The following KLHDC10 variants were observed in gnomAD, a reference collection of about 807,000 sequenced individuals.
KLHDC10 encodes kelch domain containing 10, also known as kelch domain-containing protein 10.
KLHDC10 carries 24 observed loss-of-function variants against 56.1 expected under a neutral mutation model. The ratio of observed to expected loss-of-function variants is 0.43; its 90% CI spans 0.31 to 0.60. KLHDC10 has a LOEUF of 0.60. Ranked by LOEUF, KLHDC10 falls within the 20% of genes least tolerant of loss-of-function variation. The pLI is 0.11. For missense variants in KLHDC10, 349 were observed against 567.0 expected (o/e 0.62, Z 3.91); for synonymous variants, 188 against 207.1 (o/e 0.91, Z 0.79).
At chr7:130,119,231 C>T (rs114060728) in intron 3 of KLHDC10, among the ~76,000 whole-genome samples, 2,143 of 150,810 alleles carry the variant, frequency 0.014, 44 homozygotes, top group African/African-American at 0.049. Flanking sequence ...TAAATAAAGG[C>T]TAGGTGTGGT....
intron 1 of KLHDC10, among the ~76,000 whole-genome samples, chr7:130,087,700 C>T (rs1441190092): frequency 6.6e-6 from 1 of 151,714 alleles, no homozygotes; most frequent in Non-Finnish European, 1.5e-5. Context: ...TTTGGTGTCA[C>T]ATAAAACAAA....
At chr7:130,086,745 T>C (rs986682170) in intron 1 of KLHDC10, among the ~76,000 whole-genome samples, 7 of 152,210 alleles carry the variant, frequency 4.6e-5, no homozygotes, top group African/African-American at 1.7e-4. Context: ...AGCCACCCAA[T>C]TGATGGATAT....
intron 5 of KLHDC10, among the ~76,000 whole-genome samples, chr7:130,122,905 A>T (rs1243774580): frequency 6.6e-6 from 1 of 152,214 alleles, no homozygotes; most frequent in Non-Finnish European, 1.5e-5. Context: ...TCACAGACAT[A>T]TCTTCAATAC....
At position 130,070,623 on chromosome 7, in the gene KLHDC10, T is replaced by A; in HGVS notation, c.-21T>A. The A allele has an allele frequency of 7.6e-7, 1 of 1,315,172 alleles. No individual in the cohort carries two copies. The highest frequency in any genetic ancestry group is 9.7e-7 in the Non-Finnish European group (1 of 1,027,240). 81.5% of individuals were successfully genotyped at this position (1,315,172 alleles called of 1,614,324 possible). A position where few individuals can be genotyped will look rare whatever the true frequency, so the allele number is the denominator to read the frequency against. On this transcript the variant is annotated 5_prime_UTR_variant, in exon 1 of 10. Coordinates refer to ENST00000335420, the MANE Select transcript of KLHDC10 (RefSeq NM_014997.4). ...GGGTCAGGCGCTGACGGGACCGGGC[T>A]GCGGCAATCGTTAGCGGGTCATGTC...
Position 130,130,400 on chromosome 7 carries a change from C to G in KLHDC10, c.1120-137C>G. 1 of 649,834 alleles carries G rather than the reference C, an allele frequency of 1.5e-6. No homozygotes were observed. The highest frequency in any genetic ancestry group is 2.8e-6 in the Non-Finnish European group (1 of 358,678). 40.3% of individuals were successfully genotyped at this position (649,834 alleles called of 1,614,324 possible). ...TTAATTATTTAAACCCTCTTGATCT[C>G]CACATGGTATTGGGATCAGTGAGGA... On this transcript the variant is annotated intron_variant, in intron 9 of 9. Coordinates refer to ENST00000335420, the MANE Select transcript of KLHDC10 (RefSeq NM_014997.4). The surrounding 1 kb of genome is among the most constrained non-coding windows in gnomAD (Gnocchi z 4.2).
At chr7:130,117,107 T>C (rs1367026547) in intron 3 of KLHDC10, among the ~76,000 whole-genome samples, 1 of 152,234 alleles carries the variant, frequency 6.6e-6, no homozygotes, top group Non-Finnish European at 1.5e-5. Flanking sequence ...GTTTACGCTA[T>C]GCACTAGTCT....
intron 2 of KLHDC10, among the ~76,000 whole-genome samples, chr7:130,102,783 G>A (rs574585949): frequency 3.9e-4 from 59 of 152,192 alleles, no homozygotes; most frequent in African/African-American, 1.3e-3. Context: ...ATGAGATCGC[G>A]CCATTGCACT....
Position 130,129,465 on chromosome 7 carries a change from A to G in KLHDC10, c.1008A>G (p.Gly336=), listed in dbSNP as rs1796366650. 1 of 1,614,154 alleles carries G rather than the reference A, an allele frequency of 6.2e-7. No homozygotes were observed. The highest frequency in any genetic ancestry group is 8.5e-7 in the Non-Finnish European group (1 of 1,180,024). ...NDVFICGGYN[G]EVILGDIWKL... ...TATTTATTTGTGGGGGCTATAATGG[A>G]GAGGTGATCCTGGGAGATATCTGGA... The change falls in exon 9 of 10, where the codon GGA becomes GGG. Residue 336 remains glycine (G), a synonymous_variant. Transcript: ENST00000335420.
Position 130,131,610 on chromosome 7 carries a change from G to A in KLHDC10, c.*864G>A, listed in dbSNP as rs772551694. 7.9e-5 allele frequency: 12 copies of A among 152,142 alleles called. No homozygotes were observed. The highest frequency in any genetic ancestry group is 1.5e-4 in the Non-Finnish European group (10 of 68,026). The allele number at this position is 152,142 out of a possible 1,614,324, so 9.4% of individuals were successfully genotyped here. On this transcript the variant is annotated 3_prime_UTR_variant, in exon 10 of 10. Transcript: ENST00000335420. ...TTAAATATCTCTTTGACTTCTTCATGGGGAATTGTAGACCCTAAGTATGTG... is the reference window on the plus strand; with the variant it reads ...TTAAATATCTCTTTGACTTCTTCATAGGGAATTGTAGACCCTAAGTATGTG...
chr7:130,077,353 CAA>C (rs35132418), intron 1 of KLHDC10, among the ~76,000 whole-genome samples: 7 of 17,896 alleles, frequency 3.9e-4, no homozygotes, highest in African/African-American at 1.0e-3. Context: ...GACTCTGTCT[CAA>C]AAAAAAAAAA....
At chr7:130,111,985 T>A (rs1326901550) in intron 2 of KLHDC10, among the ~76,000 whole-genome samples, 1 of 152,236 alleles carries the variant, frequency 6.6e-6, no homozygotes, top group East Asian at 1.9e-4. Flanking sequence ...GGGTCCATTC[T>A]ATTTGGAAAG....
intron 1 of KLHDC10, among the ~76,000 whole-genome samples, chr7:130,082,734 C>G (rs1795625232): frequency 1.3e-5 from 2 of 152,172 alleles, no homozygotes. Context: ...ACTTCTGCCT[C>G]CATCGTTCTA....
chr7:130,096,470 C>T (rs1214378427), intron 1 of KLHDC10, among the ~76,000 whole-genome samples: 2 of 151,924 alleles, frequency 1.3e-5, no homozygotes, highest in Non-Finnish European at 2.9e-5. Flanking sequence ...AGAATGGTGC[C>T]CATTGCTTTA....
chr7:130,130,805 A>T lies in KLHDC10; in HGVS notation c.*59A>T. Reference sequence around the variant, plus strand: ...TTAATTTAAAGAGACTCCTTTATTTATGGGCAGTGTAGAATGTGCTACAAA... The same window carrying T: ...TTAATTTAAAGAGACTCCTTTATTTTTGGGCAGTGTAGAATGTGCTACAAA... On this transcript the variant is annotated 3_prime_UTR_variant, in exon 10 of 10. Coordinates refer to ENST00000335420, the MANE Select transcript of KLHDC10 (RefSeq NM_014997.4). The surrounding 1 kb of genome is among the most constrained non-coding windows in gnomAD (Gnocchi z 4.2). 5 of 1,504,078 alleles carry T rather than the reference A, an allele frequency of 3.3e-6. No individual in the cohort carries two copies. The highest frequency in any genetic ancestry group is 4.6e-6 in the Non-Finnish European group (5 of 1,080,610). 93.2% of individuals were successfully genotyped at this position (1,504,078 alleles called of 1,614,324 possible). A position where few individuals can be genotyped will look rare whatever the true frequency, so the allele number is the denominator to read the frequency against.
chr7:130,109,928 C>T (rs1157242749), intron 2 of KLHDC10, among the ~76,000 whole-genome samples: 1 of 152,170 alleles, frequency 6.6e-6, no homozygotes, highest in Admixed American at 6.5e-5. Context: ...CATGACCCAC[C>T]GTGCTGGGCC....
intron 8 of KLHDC10, among the ~76,000 whole-genome samples, chr7:130,127,847 T>C (rs1460927195): frequency 6.6e-6 from 1 of 152,222 alleles, no homozygotes; most frequent in Non-Finnish European, 1.5e-5. Context: ...TTTCATAAAG[T>C]TGATTCTGTT....
intron 2 of KLHDC10, among the ~76,000 whole-genome samples, chr7:130,100,998 T>TAAA (rs374205614): frequency 1.6e-4 from 19 of 120,978 alleles, no homozygotes; most frequent in Non-Finnish European, 2.4e-4. Flanking sequence ...TCATTGTAAT[T>TAAA]AAAAAAAAAA....
intron 1 of KLHDC10, among the ~76,000 whole-genome samples, chr7:130,090,147 A>G (rs1795751520): frequency 6.6e-6 from 1 of 152,022 alleles, no homozygotes; most frequent in Non-Finnish European, 1.5e-5. Context: ...TAATAGTTCT[A>G]ATTGTTAAAT....
Position 130,133,916 on chromosome 7 carries a change from C to T in KLHDC10, c.*3170C>T, listed in dbSNP as rs1300091092. ...AACTGGGGCTAAACAAAACCCTTTC[C>T]ATTGGCAGAATCTCCTTTTTTCAGG... is the stretch of plus-strand genomic sequence containing the variant. On this transcript the variant is annotated 3_prime_UTR_variant, in exon 10 of 10. Coordinates refer to ENST00000335420, the MANE Select transcript of KLHDC10 (RefSeq NM_014997.4). 2 of 152,158 alleles carry T rather than the reference C, an allele frequency of 1.3e-5. No individual in the cohort carries two copies. The highest frequency in any genetic ancestry group is 2.9e-5 in the Non-Finnish European group (2 of 68,028). The allele number at this position is 152,158 out of a possible 1,614,324, so 9.4% of individuals were successfully genotyped here. A position where few individuals can be genotyped will look rare whatever the true frequency, so the allele number is the denominator to read the frequency against.
Sources: allele counts gnomAD v4.1 joint callset (sites outside exome capture counted in the v4.1 genomes callset), GRCh38; gene constraint gnomAD v4.1.1; non-coding constraint Gnocchi (gnomAD v3.1); transcripts MANE v1.5; gene names NCBI Gene and HGNC (gene_info 2026-07-23, HGNC 2026-07-21).